The following DLG2 variants were observed in gnomAD, a reference collection of about 807,000 sequenced individuals.
DLG2 encodes discs large MAGUK scaffold protein 2, also known as disks large homolog 2.
DLG2 carries 45 observed loss-of-function variants against 132.5 expected under a neutral mutation model. The ratio of observed to expected loss-of-function variants is 0.34; its 90% CI spans 0.27 to 0.44. The LOEUF (loss-of-function observed/expected upper bound fraction) is 0.44. Among genes scored for constraint, DLG2 ranks in the 20% least tolerant of loss-of-function variants. DLG2 has a pLI of 1.00. For missense variants in DLG2, 1,045 were observed against 1,196.9 expected (o/e 0.87, Z 1.87); for synonymous variants, 424 against 419.6 (o/e 1.01, Z -0.13).
At position 85,352,200 on chromosome 11, in the gene DLG2, C is replaced by T. The variant is rs181976700; in HGVS notation, c.41-66835G>A. ...AGATTTTCTAGTTTATTTGCATAGACGTGTTTATAGTATTCTCTGATGGTA... is the reference window on the plus strand; with the variant it reads ...AGATTTTCTAGTTTATTTGCATAGATGTGTTTATAGTATTCTCTGATGGTA... On this transcript the variant is annotated intron_variant, in intron 3 of 27. Coordinates refer to ENST00000376104, the MANE Select transcript of DLG2 (RefSeq NM_001142699.3). Among the ~76,000 whole-genome samples the T allele has an allele frequency of 5.1e-3, 776 of 152,114 alleles. 1 individual carries two copies. The highest frequency in any genetic ancestry group is 8.9e-3 in the Non-Finnish European group (606 of 67,972).
In DLG2 at chr11:84,643,102, C is replaced by T. The variant is rs991322880; in HGVS notation, c.358-108371G>A. 3.3e-5 allele frequency among the ~76,000 whole-genome samples: 5 copies of T among 152,128 alleles called. No individual in the cohort carries two copies. In the East Asian group the frequency reaches 9.6e-4, roughly 29 times the overall value. ...TTTATTTTCCATCACTATGTAGACA[C>T]CTGTTAATACATTTTAAGGTAGATG... is the stretch of plus-strand genomic sequence containing the variant. On this transcript the variant is annotated intron_variant, in intron 6 of 27. Transcript: ENST00000376104.
intron 7 of DLG2, among the ~76,000 whole-genome samples, chr11:84,268,022 T>C (rs561031421): frequency 4.5e-4 from 68 of 152,362 alleles, no homozygotes; most frequent in African/African-American, 1.6e-3. Flanking sequence ...ATCCTGGTTG[T>C]TCTGACCTTG....
chr11:84,720,314 C>A (rs1246477297), intron 6 of DLG2: 1 of 985,360 alleles, frequency 1.0e-6, no homozygotes, highest in Non-Finnish European at 1.2e-6. Context: ...CAAACATCAA[C>A]GATAAAGTGT....
chr11:84,426,641 G>T (rs1567604715), intron 7 of DLG2, among the ~76,000 whole-genome samples: 1 of 152,000 alleles, frequency 6.6e-6, no homozygotes, highest in Non-Finnish European at 1.5e-5. Flanking sequence ...CGAAAGGAAG[G>T]TCCTTTCTAG....
intron 11 of DLG2, among the ~76,000 whole-genome samples, chr11:84,020,199 G>T (rs2095349498): frequency 6.6e-6 from 1 of 151,988 alleles, no homozygotes. Context: ...TGTACATCAA[G>T]GTTATAAATC....
chr11:85,445,917 A>G (rs979809889), intron 3 of DLG2, among the ~76,000 whole-genome samples: 4 of 152,198 alleles, frequency 2.6e-5, no homozygotes, highest in Non-Finnish European at 5.9e-5. Flanking sequence ...TCTATATATT[A>G]TGTACACTGC....
intron 6 of DLG2, among the ~76,000 whole-genome samples, chr11:85,053,146 T>C (rs2063068231): frequency 6.6e-6 from 1 of 152,172 alleles, no homozygotes. Flanking sequence ...TTCACCTCTA[T>C]GGCCTCAGTT....
chr11:84,089,073 G>A (rs189815658), intron 10 of DLG2, among the ~76,000 whole-genome samples: 1 of 152,068 alleles, frequency 6.6e-6, no homozygotes, highest in Non-Finnish European at 1.5e-5. Context: ...TGACTTGTGG[G>A]GTTTTTTTAT....
chr11:85,500,900 C>T (rs1049286248), intron 3 of DLG2, among the ~76,000 whole-genome samples: 25 of 152,152 alleles, frequency 1.6e-4, no homozygotes, highest in Non-Finnish European at 3.1e-4. Context: ...ACTTTCTTCA[C>T]AGAATTGGAA....
intron 7 of DLG2, among the ~76,000 whole-genome samples, chr11:84,252,253 C>T (rs978099628): frequency 6.3e-5 from 9 of 143,526 alleles, no homozygotes; most frequent in African/African-American, 1.8e-4. Context: ...CCCAGTTCAA[C>T]GATTCTTCTG....
At chr11:83,687,705 A>T (rs2080068406) in intron 18 of DLG2, among the ~76,000 whole-genome samples, 2 of 152,244 alleles carry the variant, frequency 1.3e-5, no homozygotes, top group Admixed American at 1.3e-4. Flanking sequence ...TGGCCTATAG[A>T]AGTTTGTTCT....
chr11:84,690,017 G>A (rs1164031280), intron 6 of DLG2, among the ~76,000 whole-genome samples: 1 of 151,912 alleles, frequency 6.6e-6, no homozygotes. Context: ...GCAGAGAAAA[G>A]CAAGTACTGT....
chr11:84,243,463 A>G (rs1567044197), intron 8 of DLG2, among the ~76,000 whole-genome samples: 1 of 152,218 alleles, frequency 6.6e-6, no homozygotes, highest in Non-Finnish European at 1.5e-5. Context: ...AATGGTAGCT[A>G]TCTCAACTGC....
Position 83,457,125 on chromosome 11 carries a change from T to A in DLG2, c.*2693A>T, listed in dbSNP as rs2089140600. On this transcript the variant is annotated 3_prime_UTR_variant, in exon 28 of 28. Transcript: ENST00000376104. Reference sequence around the variant, plus strand: ...GGGCCCAGCATGTGTGAAGGTGACATTGCACCCCCAGCAAGCCTTCAGGTT... The same window carrying A: ...GGGCCCAGCATGTGTGAAGGTGACAATGCACCCCCAGCAAGCCTTCAGGTT... 1 of 152,610 alleles carries A rather than the reference T, an allele frequency of 6.6e-6. No individual in the cohort carries two copies. Among genetic ancestry groups the A allele is most frequent in the African/African-American group, 2.4e-5 (1 of 41,438 alleles). The allele number at this position is 152,610 out of a possible 1,614,324, so 9.5% of individuals were successfully genotyped here.
chr11:85,047,124 T>C (rs2062424805), intron 6 of DLG2, among the ~76,000 whole-genome samples: 1 of 151,952 alleles, frequency 6.6e-6, no homozygotes, highest in South Asian at 2.1e-4. Context: ...TCCCTCCAAA[T>C]CTGAAATTTC....
At chr11:84,847,403 G>A (rs2081612189) in intron 6 of DLG2, among the ~76,000 whole-genome samples, 1 of 152,118 alleles carries the variant, frequency 6.6e-6, no homozygotes, top group African/African-American at 2.4e-5. Flanking sequence ...AGATTTCCAG[G>A]AAGAATACTG....
intron 9 of DLG2, among the ~76,000 whole-genome samples, chr11:84,153,059 C>T (rs2095341855): frequency 6.6e-6 from 1 of 152,128 alleles, no homozygotes; most frequent in South Asian, 2.1e-4. Context: ...TTCCCTTACG[C>T]TTGTCTGGAA....
At chr11:85,523,729 G>T (rs553176661) in intron 3 of DLG2, among the ~76,000 whole-genome samples, 211 of 152,218 alleles carry the variant, frequency 1.4e-3, no homozygotes, top group Non-Finnish European at 2.7e-3. Flanking sequence ...CCACTGCTGG[G>T]TACATACCCA....
At chr11:84,149,392 T>C (rs1349040667) in intron 9 of DLG2, among the ~76,000 whole-genome samples, 2 of 152,200 alleles carry the variant, frequency 1.3e-5, no homozygotes, top group African/African-American at 4.8e-5. Context: ...TTAAATTTTG[T>C]ATATGATAAA....
Sources: gnomAD v4.1 joint callset for allele counts (sites outside exome capture counted in the v4.1 genomes callset) on GRCh38, gnomAD v4.1.1 for gene constraint, MANE v1.5 for transcripts, NCBI Gene and HGNC (gene_info 2026-07-23, HGNC 2026-07-21) for gene names.